Variants in RPL3L observed in about 807,000 individuals in gnomAD.
The protein encoded by RPL3L is ribosomal protein L3 like, also known as ribosomal protein uL3-like.
Under a neutral mutation model 44.5 loss-of-function variants are expected in RPL3L, and 44 were observed. The ratio of observed to expected loss-of-function variants is 0.99; its 90% CI spans 0.78 to 1.27. The LOEUF is 1.27. Among genes scored for constraint, RPL3L ranks in the 50% most tolerant of loss-of-function variants. The pLI is 0.00. For synonymous variants in RPL3L, 292 were observed against 230.7 expected (o/e 1.27, Z -2.41); for missense variants, 631 against 569.1 (o/e 1.11, Z -1.11).
intron 2 of RPL3L, 141 bp from the exon 3 acceptor site, chr16:1,953,183 C>G (rs2083183829): frequency 1.3e-6 from 1 of 769,068 alleles, no homozygotes; most frequent in African/African-American, 1.8e-5. Context: ...TGGGGCTGAG[C>G]CCAAATGAGC....
rs753338989 is a variant in RPL3L, at chr16:1,952,974, C to T, written c.265G>A (p.Val89Met). The T allele has an allele frequency of 8.7e-6, 14 of 1,612,830 alleles. No individual in the cohort carries two copies. Among genetic ancestry groups the T allele is most frequent in the African/African-American group, 1.3e-5 (1 of 74,866 alleles). ...VETPPLVVVG[V>M]VGYVATPRGL... The stretch of plus-strand genomic sequence containing the variant: ...CGAGGGGTGGCCACGTAGCCCACCA[C>T]GCCCACCACCACTAGGGGCGGCGTT... Residue 89 changes from valine to methionine, a missense_variant, in exon 3 of 10, where the codon GTG (valine) becomes ATG (methionine). Val to Met is a conservative substitution (Grantham distance 21, BLOSUM62 1). Transcript: ENST00000268661.
In RPL3L at chr16:1,944,762, G is replaced by A. The variant is rs1597023751; in HGVS notation, c.*75C>T. The A allele has an allele frequency of 5.0e-6, 8 of 1,597,696 alleles. No homozygotes were observed. In the East Asian group the frequency reaches 1.6e-4, roughly 31 times the overall value. ...ACAGCGCTCTGAGACCTCGCAGGAA[G>A]AGTCGCCTCCGGCCTTTGTTAGACA... On this transcript the variant is annotated 3_prime_UTR_variant, in exon 10 of 10. Transcript: ENST00000268661.
chr16:1,950,236 G>C (rs2083163050), intron 4 of RPL3L, among the ~76,000 whole-genome samples: 1 of 151,944 alleles, frequency 6.6e-6, no homozygotes, highest in Non-Finnish European at 1.5e-5. Context: ...TGCATACCAG[G>C]CTCTTGGTGG....
chr16:1,946,170 G>T (rs2083119643), intron 7 of RPL3L, among the ~76,000 whole-genome samples: 1 of 152,232 alleles, frequency 6.6e-6, no homozygotes, highest in Non-Finnish European at 1.5e-5. Flanking sequence ...GGAGACTGAG[G>T]ATCAGAGGAG....
chr16:1,953,524 T>C (rs1200539130), intron 2 of RPL3L, among the ~76,000 whole-genome samples: 1 of 152,314 alleles, frequency 6.6e-6, no homozygotes, highest in Non-Finnish European at 1.5e-5. Flanking sequence ...CCGGCCTGCA[T>C]TATTTCTTAC....
Position 1,945,870 on chromosome 16 carries a change from C to A in RPL3L, c.1012G>T (p.Ala338Ser), listed in dbSNP as rs1367032629. The A allele has an allele frequency of 1.2e-6, 2 of 1,613,844 alleles. No homozygotes were observed. The highest frequency in any genetic ancestry group is 2.7e-5 in the African/African-American group (2 of 74,946). The change falls in exon 8 of 10, where the codon GCT becomes TCT. Residue 338 changes from alanine (A) to serine (S), a missense_variant. Transcript: ENST00000268661. ...NDFVMLKGCI[A>S]GTKKRVITLR... ...GTAATGACCCGCTTCTTGGTACCAG[C>A]AATACAACCCTTCAGCATGACGAAG...
At position 1,944,902 on chromosome 16, in the gene RPL3L, G is replaced by C; in HGVS notation, c.1168-9C>G. On this transcript the variant is annotated splice_polypyrimidine_tract_variant and intron_variant, in intron 9 of 9. Coordinates refer to ENST00000268661, the MANE Select transcript of RPL3L (RefSeq NM_005061.3). ...TGCTTCTTTTGGGGGCCCTGGTTGA[G>C]AGGGTGGTGCAGGAGGAGCCTTAGT... 6.2e-7 allele frequency: 1 copy of C among 1,611,822 alleles called. No homozygotes were observed.
At chr16:1,951,596 G>C (rs1402491702) in intron 3 of RPL3L, among the ~76,000 whole-genome samples, 1 of 151,958 alleles carries the variant, frequency 6.6e-6, no homozygotes, top group African/African-American at 2.4e-5. Flanking sequence ...TGCCCAGGCT[G>C]GTCTCGAAGC....
chr16:1,946,540 T>A (rs902037962), intron 7 of RPL3L, 85 bp downstream of exon 7: 2 of 1,406,406 alleles, frequency 1.4e-6, no homozygotes, highest in African/African-American at 1.4e-5. Context: ...CCTACATGTA[T>A]ACCAGGCCCC....
chr16:1,954,536 G>A, intron 1 of RPL3L, 93 bp downstream of exon 1: 5 of 1,370,176 alleles, frequency 3.6e-6, no homozygotes, highest in South Asian at 1.4e-5. Context: ...CTGGGAGACT[G>A]TCCCTCTGAG....
chr16:1,954,183 G>A, intron 1 of RPL3L, 35 bp from the exon 2 acceptor site: 1 of 1,508,978 alleles, frequency 6.6e-7, no homozygotes, highest in South Asian at 1.3e-5. Flanking sequence ...CAGACCTGGG[G>A]TGTCCCTGGT....
chr16:1,946,551 C>A (rs2083121396), intron 7 of RPL3L, 74 bp downstream of exon 7: 14 of 1,498,324 alleles, frequency 9.3e-6, no homozygotes, highest in Non-Finnish European at 1.3e-5. Flanking sequence ...ACCAGGCCCC[C>A]CGGCCAGCCT....
chr16:1,944,739 A>G lies in RPL3L; in HGVS notation c.*98T>C, dbSNP rs1047298336. 3 of 1,521,660 alleles carry G rather than the reference A, an allele frequency of 2.0e-6. No homozygotes were observed. The highest frequency in any genetic ancestry group is 2.7e-6 in the Non-Finnish European group (3 of 1,097,496). The allele number at this position is 1,521,660 out of a possible 1,614,324, so 94.3% of individuals were successfully genotyped here. ...AGGTGAACCCCTTGGGCGGTTACAC[A>G]GCGCTCTGAGACCTCGCAGGAAGAG... On this transcript the variant is annotated 3_prime_UTR_variant, in exon 10 of 10. Transcript: ENST00000268661.
At position 1,947,026 on chromosome 16, in the gene RPL3L, A is replaced by G; in HGVS notation, c.761T>C (p.Ile254Thr). The G allele has an allele frequency of 1.2e-6, 2 of 1,612,848 alleles. No individual in the cohort carries two copies. The highest frequency in any genetic ancestry group is 1.7e-6 in the Non-Finnish European group (2 of 1,179,852). ...CACGCGGGCGGGGTGCCAGGCGCCA[A>G]TGCAGGCCACCTTGCGCAGGCCCTT... ...THKGLRKVAC[I>T]GAWHPARVGC... The change falls in exon 6 of 10, where the codon ATT becomes ACT. Residue 254 changes from isoleucine to threonine, a missense_variant. By Grantham distance (89) the Ile-to-Thr change is moderately conservative. Transcript: ENST00000268661.
chr16:1,945,927 C>T lies in RPL3L; in HGVS notation c.955G>A (p.Gly319Ser). 1.2e-6 allele frequency: 2 copies of T among 1,609,646 alleles called. No homozygotes were observed. The highest frequency in any genetic ancestry group is 1.3e-5 in the African/African-American group (1 of 75,048). ...TTCACTTCCCCGTAGTGGGGGAAGC[C>T]ACCCTGCAGAGGACACAGGTCAGAG... ...VTAKSITPLG[G>S]FPHYGEVNND... Residue 319 changes from glycine to serine, a missense_variant, in exon 8 of 10, where the codon GGC becomes AGC. Physicochemically the swap from Gly to Ser is moderately conservative, Grantham distance 56 (BLOSUM62 0). Transcript: ENST00000268661.
rs560805465 is a variant in RPL3L, at chr16:1,945,373, A to T, written c.1167+126T>A. 55 of 987,554 alleles carry T rather than the reference A, an allele frequency of 5.6e-5. 1 individual carries two copies. The highest frequency in any genetic ancestry group is 4.3e-4 in the Admixed American group (14 of 32,442). The allele number at this position is 987,554 out of a possible 1,614,324, so 61.2% of individuals were successfully genotyped here. ...CCATCTCAAAAAATAAAATAAATAA[A>T]AAAAAAAGAGTCTCTCCTGCAGTTG... On this transcript the variant is annotated intron_variant, in intron 9 of 9. Transcript: ENST00000268661.
At chr16:1,947,453 C>G in intron 4 of RPL3L, 73 bp from the exon 5 acceptor site, 3 of 1,438,264 alleles carry the variant, frequency 2.1e-6, no homozygotes, top group Admixed American at 2.7e-5. Flanking sequence ...GCATGGCCAG[C>G]AGTGACCCCT....
chr16:1,948,219 G>A (rs1336205461), intron 4 of RPL3L, among the ~76,000 whole-genome samples: 1 of 150,820 alleles, frequency 6.6e-6, no homozygotes, highest in Non-Finnish European at 1.5e-5. Context: ...TTACAGGCGT[G>A]AGCCACCACG....
rs1218741386 is a variant in RPL3L at position 1,952,951 on chromosome 16, A to G, written c.288T>C (p.Pro96=). 1.2e-6 allele frequency: 2 copies of G among 1,613,864 alleles called. No homozygotes were observed. Among genetic ancestry groups the G allele is most frequent in the Admixed American group, 1.7e-5 (1 of 60,000 alleles). The change falls in exon 3 of 10, where the codon CCT becomes CCC. Residue 96 remains proline, a synonymous_variant. Transcript: ENST00000268661. ...TGGTCTTGAAGCTCCGGAGACCTCG[A>G]GGGGTGGCCACGTAGCCCACCACGC... ...VVGVVGYVAT[P]RGLRSFKTIF... is the part of the protein sequence containing the mutation.
Sources: gnomAD v4.1 joint callset for allele counts (sites outside exome capture counted in the v4.1 genomes callset) on GRCh38, gnomAD v4.1.1 for gene constraint, MANE v1.5 for transcripts, NCBI Gene and HGNC (gene_info 2026-07-23, HGNC 2026-07-21) for gene names.